CNTN5: variants seen among roughly 807,000 people sequenced by gnomAD.
CNTN5 encodes the protein contactin-5.
CNTN5 carries 77 observed loss-of-function variants against 129.1 expected under a neutral mutation model. The ratio of observed to expected loss-of-function variants is 0.60; its 90% CI spans 0.50 to 0.72. CNTN5 has a LOEUF of 0.72. Ranked by LOEUF, CNTN5 falls within the 30% of genes least tolerant of loss-of-function variation. CNTN5 has a pLI of 0.00. For missense variants in CNTN5, 1,478 were observed against 1,328.8 expected (o/e 1.11, Z -1.75); for synonymous variants, 509 against 465.6 (o/e 1.09, Z -1.20).
At chr11:99,063,404 T>C (rs1476469078) in intron 1 of CNTN5, among the ~76,000 whole-genome samples, 1 of 151,964 alleles carries the variant, frequency 6.6e-6, no homozygotes, top group Non-Finnish European at 1.5e-5. Context: ...CAAAATTGTA[T>C]TGCTTACTTT....
chr11:99,683,700 T>C (rs1278221357), intron 3 of CNTN5, among the ~76,000 whole-genome samples: 4 of 151,920 alleles, frequency 2.6e-5, no homozygotes, highest in African/African-American at 4.8e-5. Flanking sequence ...ACATTGAGTC[T>C]ATATATGAAT....
At chr11:99,399,183 G>T (rs550643272) in intron 2 of CNTN5, among the ~76,000 whole-genome samples, 2 of 150,530 alleles carry the variant, frequency 1.3e-5, no homozygotes, top group East Asian at 3.9e-4. Context: ...ATTAATGAAA[G>T]AAAATGATAT....
intron 1 of CNTN5, among the ~76,000 whole-genome samples, chr11:99,246,677 G>T (rs1411016680): frequency 6.6e-6 from 1 of 152,084 alleles, no homozygotes; most frequent in Non-Finnish European, 1.5e-5. Flanking sequence ...ATGAAATGAG[G>T]CTTAGCATAG....
intron 6 of CNTN5, among the ~76,000 whole-genome samples, chr11:99,894,527 A>C (rs1171188375): frequency 6.8e-6 from 1 of 147,114 alleles, no homozygotes; most frequent in South Asian, 2.2e-4. Context: ...AAAAAAAAAA[A>C]AACCAAAAAA....
chr11:99,708,774 G>A (rs1290228640), intron 3 of CNTN5, among the ~76,000 whole-genome samples: 3 of 151,526 alleles, frequency 2.0e-5, no homozygotes, highest in African/African-American at 7.3e-5. Flanking sequence ...ACACTCAATG[G>A]GGCTGAAAAT....
intron 1 of CNTN5, among the ~76,000 whole-genome samples, chr11:99,298,779 C>G (rs898853571): frequency 5.3e-5 from 8 of 151,894 alleles, no homozygotes; most frequent in African/African-American, 1.9e-4. Flanking sequence ...AATCATAAAC[C>G]TCAAAAGACA....
chr11:100,133,317 T>C (rs1946430540), intron 13 of CNTN5, among the ~76,000 whole-genome samples: 1 of 152,132 alleles, frequency 6.6e-6, no homozygotes, highest in Non-Finnish European at 1.5e-5. Context: ...CATGAGAGGA[T>C]TAACTGTTCC....
chr11:100,037,916 C>A (rs1438378723), intron 9 of CNTN5, among the ~76,000 whole-genome samples: 1 of 152,068 alleles, frequency 6.6e-6, no homozygotes, highest in East Asian at 1.9e-4. Flanking sequence ...TTTCAAAAAA[C>A]CAGCTCCTGG....
chr11:99,268,323 C>A (rs1787177217), intron 1 of CNTN5, among the ~76,000 whole-genome samples: 1 of 151,814 alleles, frequency 6.6e-6, no homozygotes, highest in African/African-American at 2.4e-5. Flanking sequence ...AGCATATCAA[C>A]ACTGGCCAAA....
chr11:99,482,136 C>G (rs777978735), intron 2 of CNTN5, among the ~76,000 whole-genome samples: 58 of 152,060 alleles, frequency 3.8e-4, no homozygotes, highest in Non-Finnish European at 5.4e-4. Context: ...ATTAATCTCC[C>G]TATGAACTGA....
At chr11:99,931,085 G>A (rs1294248600) in intron 7 of CNTN5, among the ~76,000 whole-genome samples, 1 of 152,056 alleles carries the variant, frequency 6.6e-6, no homozygotes, top group Non-Finnish European at 1.5e-5. Flanking sequence ...GCTTTAACTA[G>A]TTACTTAATA....
chr11:100,167,510 A>T (rs965263604), intron 13 of CNTN5, among the ~76,000 whole-genome samples: 6 of 151,896 alleles, frequency 4.0e-5, no homozygotes, highest in Non-Finnish European at 5.9e-5. Context: ...TAGGCCTGGA[A>T]CTGCCTATTT....
intron 21 of CNTN5, among the ~76,000 whole-genome samples, chr11:100,329,054 C>T (rs1220616690): frequency 1.3e-5 from 2 of 152,072 alleles, no homozygotes; most frequent in African/African-American, 4.8e-5. Flanking sequence ...CACTGGCTGC[C>T]CGGAAATAAA....
At chr11:99,309,517 C>A (rs1363931692) in intron 1 of CNTN5, among the ~76,000 whole-genome samples, 1 of 152,206 alleles carries the variant, frequency 6.6e-6, no homozygotes, top group Non-Finnish European at 1.5e-5. Context: ...GCCTTGTGAA[C>A]TTCCATAGTC....
chr11:100,138,290 C>T (rs930027481), intron 13 of CNTN5, among the ~76,000 whole-genome samples: 2 of 151,474 alleles, frequency 1.3e-5, no homozygotes, highest in Non-Finnish European at 2.9e-5. Context: ...TTTGAGTTAA[C>T]ATTCACTGAT....
chr11:99,817,998 T>A (rs1204182078), intron 3 of CNTN5, among the ~76,000 whole-genome samples: 2 of 152,160 alleles, frequency 1.3e-5, no homozygotes, highest in African/African-American at 4.8e-5. Flanking sequence ...AATATACTTT[T>A]TAGAGTTTCA....
chr11:99,436,747 C>A (rs1943614960), intron 2 of CNTN5, among the ~76,000 whole-genome samples: 1 of 152,174 alleles, frequency 6.6e-6, no homozygotes, highest in African/African-American at 2.4e-5. Flanking sequence ...TATCTCCTCA[C>A]AATAATTCTC....
At chr11:99,999,600 G>T (rs1196675582) in intron 8 of CNTN5, among the ~76,000 whole-genome samples, 1 of 152,142 alleles carries the variant, frequency 6.6e-6, no homozygotes, top group African/African-American at 2.4e-5. Flanking sequence ...TCAGTGTGGC[G>T]ATTCCTCAGG....
chr11:99,598,010 C>T (rs1249192032), intron 3 of CNTN5, among the ~76,000 whole-genome samples: 1 of 152,072 alleles, frequency 6.6e-6, no homozygotes, highest in Non-Finnish European at 1.5e-5. Flanking sequence ...ACCACTCTGT[C>T]ATCTCTTTTT....
Sources: gnomAD v4.1 joint callset for allele counts (sites outside exome capture counted in the v4.1 genomes callset) on GRCh38, gnomAD v4.1.1 for gene constraint, MANE v1.5 for transcripts, NCBI Gene and HGNC (gene_info 2026-07-23, HGNC 2026-07-21) for gene names.